The following IQGAP2 variants were observed in gnomAD, a reference collection of about 807,000 sequenced individuals.
IQGAP2 encodes ras GTPase-activating-like protein IQGAP2.
Under a neutral mutation model 201.3 loss-of-function variants are expected in IQGAP2, and 173 were observed. The observed-to-expected ratio is 0.86, with a 90% confidence interval of 0.76 to 0.98. The LOEUF (loss-of-function observed/expected upper bound fraction) is 0.98, where lower values mean the gene tolerates loss of function less well. IQGAP2 is among the 50% of genes least tolerant of loss of function. The probability of loss-of-function intolerance (pLI) is 0.00; values close to 1 mark genes in which losing one functional copy is unlikely to be tolerated. For synonymous variants in IQGAP2, 675 were observed against 673.9 expected, an observed-to-expected ratio of 1.00 and a Z score of -0.03; for missense variants, 1,687 against 1,864.8, an observed-to-expected ratio of 0.90 and a Z score of 1.76.
chr5:76,413,218 G>C (rs1004964348), intron 1 of IQGAP2, among the ~76,000 whole-genome samples: 4 of 132,174 alleles, frequency 3.0e-5, no homozygotes, highest in African/African-American at 1.2e-4. Flanking sequence ...GCCTAGGCTG[G>C]AGTGCAGTGG....
chr5:76,419,528 G>T (rs1397315678), intron 1 of IQGAP2, among the ~76,000 whole-genome samples: 1 of 152,100 alleles, frequency 6.6e-6, no homozygotes, highest in Non-Finnish European at 1.5e-5. Context: ...AGTAGATACA[G>T]GGTTTCACCA....
chr5:76,424,262 T>G (rs1428094954), intron 1 of IQGAP2, among the ~76,000 whole-genome samples: 1 of 152,188 alleles, frequency 6.6e-6, no homozygotes, highest in East Asian at 1.9e-4. Context: ...TTTTAAGATT[T>G]CTTTTATTTA....
rs535938359 is a variant in IQGAP2, at chr5:76,642,730, A to T, written c.2094+1627A>T. Among the ~76,000 whole-genome samples, 3 of 152,308 alleles carry T rather than the reference A, an allele frequency of 2.0e-5. No individual in the cohort carries two copies. The East Asian group carries it at 5.8e-4, about 29-fold the overall frequency. On this transcript the variant is annotated intron_variant, in intron 17 of 35. Transcript: ENST00000274364. ...TTCCTAGCTGGCTGAACTGCCCCCC[A>T]GACACAGTAGTCTTAACACATTTGG...
In IQGAP2 at chr5:76,671,893, TCGA is replaced by T. The variant is rs764140092; in HGVS notation, c.2983_2985del (p.Asp995del). The T allele has an allele frequency of 1.2e-6, 2 of 1,614,004 alleles. No homozygotes were observed. The highest frequency in any genetic ancestry group is 8.5e-7 in the Non-Finnish European group (1 of 1,179,976). On this transcript the variant is annotated inframe_deletion, in exon 24 of 36. Transcript: ENST00000274364. The stretch of plus-strand genomic sequence containing the variant: ...CTGGCTCCAGTGGTAAAAGAGATCA[TCGA>T]CGACAAGTCGCTGATTATCAACACA...
At chr5:76,623,265 G>A (rs1295949104) in intron 13 of IQGAP2, 2 of 1,611,010 alleles carry the variant, frequency 1.2e-6, no homozygotes, top group South Asian at 2.2e-5. Context: ...TAAACGTTAT[G>A]AAATCTGTAA....
At chr5:76,692,834 C>T (rs527868425) in intron 30 of IQGAP2, among the ~76,000 whole-genome samples, 1 of 152,204 alleles carries the variant, frequency 6.6e-6, no homozygotes, top group Admixed American at 6.5e-5. Flanking sequence ...CCACACTGAA[C>T]GTTCGCTCCC....
intron 2 of IQGAP2, among the ~76,000 whole-genome samples, chr5:76,513,499 T>C (rs909769779): frequency 6.6e-5 from 10 of 152,336 alleles, no homozygotes; most frequent in Non-Finnish European, 1.5e-4. Context: ...AACACACTTA[T>C]GACATTGAAG....
At chr5:76,539,409 G>C (rs570058073) in intron 2 of IQGAP2, among the ~76,000 whole-genome samples, 1 of 152,296 alleles carries the variant, frequency 6.6e-6, no homozygotes, top group Admixed American at 6.5e-5. Context: ...TGGATGCCAA[G>C]TTCCCCCTAC....
chr5:76,596,319 ACT>A (rs1422841562), intron 9 of IQGAP2, among the ~76,000 whole-genome samples: 3 of 152,118 alleles, frequency 2.0e-5, no homozygotes, highest in Admixed American at 6.5e-5. Context: ...ATAAGGCAAA[ACT>A]CTGCAATCTC....
In IQGAP2 at chr5:76,580,388, G is replaced by A. The variant is rs113739126; in HGVS notation, c.458+4619G>A. Among the ~76,000 whole-genome samples, 970 of 152,160 alleles carry A rather than the reference G, an allele frequency of 6.4e-3. 7 individuals are homozygous for A. The highest frequency in any genetic ancestry group is 0.02 in the Middle Eastern group (6 of 294). ...GCGGAGATCACAATAAGCCAAGATC[G>A]CGCCACTGCACTCCAGCCTGGGCAA... On this transcript the variant is annotated intron_variant, in intron 5 of 35. Transcript: ENST00000274364.
rs1754458774 is a variant in IQGAP2 at position 76,461,597 on chromosome 5, C to T, written c.74C>T (p.Ala25Val). Residue 25 changes from alanine (A) to valine (V), a missense_variant, in exon 2 of 36, where the codon GCA becomes GTA. Coordinates refer to ENST00000274364, the MANE Select transcript of IQGAP2 (RefSeq NM_006633.5). ...GSIVDDERLS[A>V]EEMDERRRQN... is the part of the protein sequence containing the mutation. Reference sequence around the variant, plus strand: ...ATTGTGGACGATGAAAGGCTCTCTGCAGAGGAGATGGATGAGAGGAGGCGG... The same window carrying T: ...ATTGTGGACGATGAAAGGCTCTCTGTAGAGGAGATGGATGAGAGGAGGCGG... 1 of 1,613,700 alleles carries T rather than the reference C, an allele frequency of 6.2e-7. No homozygotes were observed. Among genetic ancestry groups the T allele is most frequent in the Non-Finnish European group, 8.5e-7 (1 of 1,179,686 alleles).
chr5:76,413,736 GT>G (rs1484860061), intron 1 of IQGAP2, among the ~76,000 whole-genome samples: 8 of 152,338 alleles, frequency 5.3e-5, no homozygotes, highest in Middle Eastern at 3.4e-3. Flanking sequence ...CCAAGTTGAA[GT>G]TGGTCGTTGC....
At chr5:76,496,730 TTTCTTTCTTTCTTTC>T (rs869206783) in intron 2 of IQGAP2, among the ~76,000 whole-genome samples, 4,044 of 48,526 alleles carry the variant, frequency 0.083, 292 homozygotes, top group Non-Finnish European at 0.088. Context: ...CTTTCTTTTC[TTTCTTTCTTTCTTTC>T]TTTCTTTCTT....
At chr5:76,621,528 G>A (rs1580640505) in intron 13 of IQGAP2, among the ~76,000 whole-genome samples, 2 of 152,176 alleles carry the variant, frequency 1.3e-5, no homozygotes, top group Admixed American at 1.3e-4. Context: ...AGAGAATGGT[G>A]CCTGAAGAGC....
intron 3 of IQGAP2, among the ~76,000 whole-genome samples, chr5:76,565,886 C>T (rs1744713439): frequency 6.6e-6 from 1 of 152,154 alleles, no homozygotes; most frequent in African/African-American, 2.4e-5. Context: ...CTGGGTCCCA[C>T]CCCAGACTAC....
chr5:76,417,875 C>G (rs1174135506), intron 1 of IQGAP2, among the ~76,000 whole-genome samples: 1 of 151,308 alleles, frequency 6.6e-6, no homozygotes, highest in Non-Finnish European at 1.5e-5. Context: ...AACCATTGTG[C>G]CTGGCTGATA....
At chr5:76,504,016 T>C (rs1026626327) in intron 2 of IQGAP2, among the ~76,000 whole-genome samples, 21 of 152,220 alleles carry the variant, frequency 1.4e-4, no homozygotes, top group African/African-American at 4.8e-4. Flanking sequence ...TTGACCAGAT[T>C]GATAGGCACT....
chr5:76,568,092 T>C (rs1188156916), intron 3 of IQGAP2, among the ~76,000 whole-genome samples: 1 of 152,182 alleles, frequency 6.6e-6, no homozygotes, highest in South Asian at 2.1e-4. Context: ...TCATTCTAAG[T>C]GAAGCAAACT....
In IQGAP2 at chr5:76,588,861, T is replaced by A; in HGVS notation, c.459-45T>A. 2.5e-6 allele frequency: 3 copies of A among 1,186,242 alleles called. No homozygotes were observed. The South Asian group carries it at 3.9e-5, about 15-fold the overall frequency. 73.5% of individuals were successfully genotyped at this position (1,186,242 alleles called of 1,614,324 possible). A position where few individuals can be genotyped will look rare whatever the true frequency, so the allele number is the denominator to read the frequency against. ...ATTATGTAATTTATAACATTAAGAC[T>A]TATGATGATAAAATTTCTGATAATT... On this transcript the variant is annotated intron_variant, in intron 5 of 35. Coordinates refer to ENST00000274364, the MANE Select transcript of IQGAP2 (RefSeq NM_006633.5).
Sources: gnomAD v4.1 joint callset for allele counts (sites outside exome capture counted in the v4.1 genomes callset) on GRCh38, gnomAD v4.1.1 for gene constraint, MANE v1.5 for transcripts, NCBI Gene and HGNC (gene_info 2026-07-23, HGNC 2026-07-21) for gene names.